Variants in FIZ1 observed in about 807,000 individuals in gnomAD.
FIZ1 encodes the protein FLT3 interacting zinc finger 1, also known as flt3-interacting zinc finger protein 1.
FIZ1 carries 2 observed loss-of-function variants against 5.3 expected under a neutral mutation model. The observed-to-expected ratio is 0.37, with a 90% CI of 0.15 to 1.18. The LOEUF is 1.18. FIZ1 is among the 50% of genes most tolerant of loss of function. The pLI, the probability that FIZ1 is intolerant of heterozygous loss-of-function variation, is 0.37. For synonymous variants in FIZ1, 407 were observed against 364.2 expected (o/e 1.12, Z -1.34); for missense variants, 631 against 749.7 (o/e 0.84, Z 1.85).
chr19:55,597,452 G>A lies in FIZ1; in HGVS notation c.294+120C>T, dbSNP rs1980380500. ...AGGGAGGGAGGGACATTTTCTAATG[G>A]GAGGAGGCGGGCGCCTAGGCCTTGG... On this transcript the variant is annotated intron_variant, in intron 2 of 2. Transcript: ENST00000221665. 4.2e-6 allele frequency: 6 copies of A among 1,436,580 alleles called. No individual in the cohort carries two copies. The South Asian group carries it at 4.4e-5, about 10-fold the overall frequency. The allele number at this position is 1,436,580 out of a possible 1,614,324, so 89.0% of individuals were successfully genotyped here.
intron 1 of FIZ1, 193 bp from the exon 2 acceptor site, chr19:55,598,094 G>T: frequency 1.5e-6 from 1 of 660,926 alleles, no homozygotes; most frequent in Non-Finnish European, 2.5e-6. Flanking sequence ...CACGCCTGTG[G>T]CAAAATCTTC....
rs1980046316 is a variant in FIZ1, at chr19:55,592,382, C to T, written c.*68G>A. 1.4e-6 allele frequency: 2 copies of T among 1,426,872 alleles called. No homozygotes were observed. The highest frequency in any genetic ancestry group is 1.9e-6 in the Non-Finnish European group (2 of 1,070,262). 88.4% of individuals were successfully genotyped at this position (1,426,872 alleles called of 1,614,324 possible). ...GAGGGCCGGGGCCTCACGCGCAGTC[C>T]CGAGGTCCCCTGGTCCAGGCCGAGT... On this transcript the variant is annotated 3_prime_UTR_variant, in exon 3 of 3. Transcript: ENST00000221665. The surrounding 1 kb of genome is among the most constrained non-coding windows in gnomAD (Gnocchi z 6.9).
At chr19:55,597,990 C>T in intron 1 of FIZ1, 89 bp from the exon 2 acceptor site, 2 of 1,349,318 alleles carry the variant, frequency 1.5e-6, no homozygotes, top group Middle Eastern at 2.7e-4. Flanking sequence ...ACCACCTGTC[C>T]CCTGGGAGAC....
In FIZ1 at chr19:55,591,527, GGAGA is replaced by G. The variant is rs1324824197; in HGVS notation, c.*919_*922del. ...CAGAGACAGACAAACCAACAGAGAT[GGAGA>G]GAAAGACCAACGGATGCTACGGAGA... On this transcript the variant is annotated 3_prime_UTR_variant, in exon 3 of 3. Coordinates refer to ENST00000221665, the MANE Select transcript of FIZ1 (RefSeq NM_032836.3). 1.3e-5 allele frequency: 2 copies of G among 152,474 alleles called. No individual in the cohort carries two copies. The highest frequency in any genetic ancestry group is 4.8e-5 in the African/African-American group (2 of 41,460). 9.4% of individuals were successfully genotyped at this position (152,474 alleles called of 1,614,324 possible).
At chr19:55,596,668 T>C (rs904229673) in intron 2 of FIZ1, among the ~76,000 whole-genome samples, 7 of 149,910 alleles carry the variant, frequency 4.7e-5, no homozygotes, top group African/African-American at 1.8e-4. Context: ...TTGATTTGTA[T>C]TTTTTGTTTG....
rs1980045672 is a variant in FIZ1 at position 55,592,373 on chromosome 19, C to T, written c.*77G>A. 2 of 1,353,084 alleles carry T rather than the reference C, an allele frequency of 1.5e-6. No homozygotes were observed. Among genetic ancestry groups the T allele is most frequent in the Non-Finnish European group, 2.0e-6 (2 of 1,013,028 alleles). 83.8% of individuals were successfully genotyped at this position (1,353,084 alleles called of 1,614,324 possible). A position where few individuals can be genotyped will look rare whatever the true frequency, so the allele number is the denominator to read the frequency against. On this transcript the variant is annotated 3_prime_UTR_variant, in exon 3 of 3. Coordinates refer to ENST00000221665, the MANE Select transcript of FIZ1 (RefSeq NM_032836.3). The surrounding 1 kb of genome is among the most constrained non-coding windows in gnomAD (Gnocchi z 6.9). ...TTGGATTTGGAGGGCCGGGGCCTCACGCGCAGTCCCGAGGTCCCCTGGTCC... is the reference window on the plus strand; with the variant it reads ...TTGGATTTGGAGGGCCGGGGCCTCATGCGCAGTCCCGAGGTCCCCTGGTCC...
In FIZ1 at chr19:55,595,244, G is replaced by A. The variant is rs534345420; in HGVS notation, c.295-1598C>T. On this transcript the variant is annotated intron_variant, in intron 2 of 2. Transcript: ENST00000221665. Reference sequence around the variant, plus strand: ...GGGCACAGATCTGAAGAAGGAACAGGGAGTGATGTTCATTTGCCTTTCTGG... The same window carrying A: ...GGGCACAGATCTGAAGAAGGAACAGAGAGTGATGTTCATTTGCCTTTCTGG... Among the ~76,000 whole-genome samples the A allele has an allele frequency of 9.9e-5, 15 of 152,272 alleles. No individual in the cohort carries two copies. In the East Asian group the frequency reaches 2.5e-3, roughly 25 times the overall value.
rs761992458 is a variant in FIZ1 at position 55,597,803 on chromosome 19, G to A, written c.63C>T (p.Val21=). 37 of 1,613,410 alleles carry A rather than the reference G, an allele frequency of 2.3e-5. No individual in the cohort carries two copies. The highest frequency in any genetic ancestry group is 2.0e-4 in the East Asian group (9 of 44,856). ...PAPPAAAAPR[V]PFHCSECGKS... Reference sequence around the variant, plus strand: ...TGCCACATTCACTGCAGTGAAACGGGACCCTGGGGGCGGCAGCGGCGGGCG... The same window carrying A: ...TGCCACATTCACTGCAGTGAAACGGAACCCTGGGGGCGGCAGCGGCGGGCG... Residue 21 remains valine (V), a synonymous_variant, in exon 2 of 3, where the codon GTC becomes GTT. Coordinates refer to ENST00000221665, the MANE Select transcript of FIZ1 (RefSeq NM_032836.3).
Position 55,592,945 on chromosome 19 carries a change from C to A in FIZ1, c.996G>T (p.Gln332His). 1 of 1,557,836 alleles carries A rather than the reference C, an allele frequency of 6.4e-7. No homozygotes were observed. Among genetic ancestry groups the A allele is most frequent in the Non-Finnish European group, 8.6e-7 (1 of 1,159,820 alleles). Reference sequence around the variant, plus strand: ...ACGCAAAGAAGGTCCCGCAGTCGCACTGGTACAGGGTGTCTTCCGAGGGCT... The same window carrying A: ...ACGCAAAGAAGGTCCCGCAGTCGCAATGGTACAGGGTGTCTTCCGAGGGCT... ...AAEPSEDTLYQCDCGTFFASA... is the reference protein window; with the variant it reads ...AAEPSEDTLYHCDCGTFFASA... Residue 332 changes from glutamine (Q) to histidine (H), a missense_variant, in exon 3 of 3, where the codon CAG (glutamine) becomes CAT (histidine). By Grantham distance (24) the Gln-to-His change is conservative (BLOSUM62 0). Transcript: ENST00000221665. This position sits in a 1 kb window ranked among gnomAD's most constrained non-coding sequence, Gnocchi z 6.9.
chr19:55,593,732 A>C lies in FIZ1; in HGVS notation c.295-86T>G. The C allele has an allele frequency of 8.0e-7, 1 of 1,253,628 alleles. No individual in the cohort carries two copies. The highest frequency in any genetic ancestry group is 1.1e-6 in the Non-Finnish European group (1 of 883,390). The allele number at this position is 1,253,628 out of a possible 1,614,324, so 77.7% of individuals were successfully genotyped here. A position where few individuals can be genotyped will look rare whatever the true frequency, so the allele number is the denominator to read the frequency against. On this transcript the variant is annotated intron_variant, in intron 2 of 2. Transcript: ENST00000221665. This position sits in a 1 kb window ranked among gnomAD's most constrained non-coding sequence, Gnocchi z 6.3. The stretch of plus-strand genomic sequence containing the variant: ...TCCTGGACTCCCAGAGGGTTGTGGC[A>C]CAAGCTCTCTGTCACACCTACAGGG...
chr19:55,593,818 C>G lies in FIZ1; in HGVS notation c.295-172G>C, dbSNP rs1033456512. Among the ~76,000 whole-genome samples, 1 of 152,150 alleles carries G rather than the reference C, an allele frequency of 6.6e-6. No individual in the cohort carries two copies. Among genetic ancestry groups the G allele is most frequent in the Non-Finnish European group, 1.5e-5 (1 of 68,028 alleles). On this transcript the variant is annotated intron_variant, in intron 2 of 2. Transcript: ENST00000221665. This position sits in a 1 kb window ranked among gnomAD's most constrained non-coding sequence, Gnocchi z 6.3. ...TGTTTGGGGTCACGGTAGATTCTTT[C>G]GGTCCTTAAAAAGGCCATGTCCTGG...
rs776947272 is a variant in FIZ1, at chr19:55,593,291, G to A, written c.650C>T (p.Ala217Val). 3 of 1,260,910 alleles carry A rather than the reference G, an allele frequency of 2.4e-6. No homozygotes were observed. The highest frequency in any genetic ancestry group is 3.9e-5 in the Admixed American group (1 of 25,804). 78.1% of individuals were successfully genotyped at this position (1,260,910 alleles called of 1,614,324 possible). ...RRFDHGRELA[A>V]HWAAHTDVKP... is the part of the protein sequence containing the mutation. ...CACGTCGGTGTGCGCCGCCCAGTGG[G>A]CCGCCAGCTCGCGGCCGTGGTCGAA... is the stretch of plus-strand genomic sequence containing the variant. Residue 217 changes from alanine to valine, a missense_variant, in exon 3 of 3, where the codon GCC becomes GTC. By Grantham distance (64) the Ala-to-Val change is moderately conservative. Around this residue, in one of 4 missense-constraint regions of FIZ1, gnomAD observed 463 missense variants for 455.1 expected, o/e 1.02. Transcript: ENST00000221665. The surrounding 1 kb of genome is among the most constrained non-coding windows in gnomAD (Gnocchi z 6.3).
rs1599982417 is a variant in FIZ1 at position 55,592,275 on chromosome 19, G to C, written c.*175C>G. The C allele has an allele frequency of 4.5e-6, 3 of 671,848 alleles. No homozygotes were observed. Among genetic ancestry groups the C allele is most frequent in the Non-Finnish European group, 7.2e-6 (3 of 415,040 alleles). The allele number at this position is 671,848 out of a possible 1,614,324, so 41.6% of individuals were successfully genotyped here. ...GTTTGTTTGTGGTCCCCCAGCTCCG[G>C]GGCCTTTGTGGGTTTTTGGTGGCCC... On this transcript the variant is annotated 3_prime_UTR_variant, in exon 3 of 3. Coordinates refer to ENST00000221665, the MANE Select transcript of FIZ1 (RefSeq NM_032836.3). This position sits in a 1 kb window ranked among gnomAD's most constrained non-coding sequence, Gnocchi z 6.9.
chr19:55,593,539 G>C lies in FIZ1; in HGVS notation c.402C>G (p.Leu134=), dbSNP rs1250570639. Residue 134 remains leucine, a synonymous_variant, in exon 3 of 3, where the codon CTC becomes CTG. Coordinates refer to ENST00000221665, the MANE Select transcript of FIZ1 (RefSeq NM_032836.3). This position sits in a 1 kb window ranked among gnomAD's most constrained non-coding sequence, Gnocchi z 6.3. ...RHLKRQHRGV[L]PSPLQPGPGL... is the part of the protein sequence containing the mutation. ...CAGGGCCGGGCTGCAGGGGAGAGGG[G>C]AGAACCCCACGGTGCTGGCGCTTGA... The C allele has an allele frequency of 5.2e-6, 8 of 1,550,850 alleles. No homozygotes were observed. The Admixed American group carries it at 1.4e-4, about 27-fold the overall frequency.
rs1980098845 is a variant in FIZ1, at chr19:55,592,957, G to A, written c.984C>T (p.Asp328=). Residue 328 remains aspartate (D), a synonymous_variant, in exon 3 of 3, where the codon GAC becomes GAT. Coordinates refer to ENST00000221665, the MANE Select transcript of FIZ1 (RefSeq NM_032836.3). The surrounding 1 kb of genome is among the most constrained non-coding windows in gnomAD (Gnocchi z 6.9). ...TCCCGCAGTCGCACTGGTACAGGGT[G>A]TCTTCCGAGGGCTCGGCGGCCGCCG... ...APAAAAEPSE[D]TLYQCDCGTF... 2 of 1,549,336 alleles carry A rather than the reference G, an allele frequency of 1.3e-6. No individual in the cohort carries two copies. The highest frequency in any genetic ancestry group is 1.4e-5 in the African/African-American group (1 of 70,860).
At chr19:55,597,955 T>C in intron 1 of FIZ1, 54 bp from the exon 2 acceptor site, 1 of 1,471,858 alleles carries the variant, frequency 6.8e-7, no homozygotes, top group Non-Finnish European at 9.0e-7. Context: ...CCCCATCAGC[T>C]CTCTCCTCCC....
rs1177607126 is a variant in FIZ1 at position 55,593,050 on chromosome 19, G to A, written c.891C>T (p.Pro297=). Residue 297 remains proline (P), a synonymous_variant, in exon 3 of 3, where the codon CCC becomes CCT. Transcript: ENST00000221665. This position sits in a 1 kb window ranked among gnomAD's most constrained non-coding sequence, Gnocchi z 6.3. ...CGAGCTTGGGCACGCCGCCCCCCGCGGGGCCCAGGAGCAGCCTGCGGTCCG... is the reference window on the plus strand; with the variant it reads ...CGAGCTTGGGCACGCCGCCCCCCGCAGGGCCCAGGAGCAGCCTGCGGTCCG... ...LASDRRLLLG[P]AGGGVPKLGG... is the part of the protein sequence containing the mutation. 8 of 1,391,708 alleles carry A rather than the reference G, an allele frequency of 5.7e-6. No individual in the cohort carries two copies. The highest frequency in any genetic ancestry group is 6.5e-6 in the Non-Finnish European group (7 of 1,082,788). The allele number at this position is 1,391,708 out of a possible 1,614,324, so 86.2% of individuals were successfully genotyped here.
intron 1 of FIZ1, chr19:55,598,177 C>T (rs942591915): frequency 4.7e-6 from 2 of 426,484 alleles, no homozygotes; most frequent in Non-Finnish European, 8.5e-6. Flanking sequence ...AATGCGCGGC[C>T]ACTGCTCTCT....
At chr19:55,594,696 C>CAAAAA (rs71181796) in intron 2 of FIZ1, among the ~76,000 whole-genome samples, 13 of 86,920 alleles carry the variant, frequency 1.5e-4, no homozygotes, top group Admixed American at 2.8e-4. Flanking sequence ...GACTCTGTCT[C>CAAAAA]AAAAAAAAAA....
Sources: gnomAD v4.1 joint callset for allele counts (sites outside exome capture counted in the v4.1 genomes callset) on GRCh38, gnomAD v4.1.1 for gene constraint, gnomAD v4.1.1 regional missense constraint, Gnocchi (gnomAD v3.1) non-coding constraint, MANE v1.5 for transcripts, NCBI Gene and HGNC (gene_info 2026-07-23, HGNC 2026-07-21) for gene names.